The following STK39 variants were observed in gnomAD, a reference collection of about 807,000 sequenced individuals.
STK39 encodes STE20/SPS1-related proline-alanine-rich protein kinase.
A neutral mutation model predicts 77.8 loss-of-function variants in STK39; 20 were observed. That is an observed-to-expected ratio of 0.26 (90% confidence interval 0.18 to 0.37). STK39 has a LOEUF of 0.37. STK39 is among the 10% of genes least tolerant of loss of function. The pLI, the probability that STK39 is intolerant of heterozygous loss-of-function variation, is 1.00. For missense variants in STK39, 479 were observed against 656.5 expected (o/e 0.73, Z 2.95); for synonymous variants, 246 against 234.1 (o/e 1.05, Z -0.47).
At chr2:168,177,778 T>A (rs1016093604) in intron 2 of STK39, among the ~76,000 whole-genome samples, 1 of 152,120 alleles carries the variant, frequency 6.6e-6, no homozygotes, top group Non-Finnish European at 1.5e-5. Context: ...ACACAGAATA[T>A]ACTAGTTTGC....
chr2:168,116,561 G>A (rs755844), intron 10 of STK39, among the ~76,000 whole-genome samples: 34,508 of 151,976 alleles, frequency 0.23, 4,058 homozygotes, highest in East Asian at 0.28. Flanking sequence ...TCTTTGTTAA[G>A]TCAATCAAGT....
chr2:168,060,371 G>A (rs1215860130), intron 14 of STK39, among the ~76,000 whole-genome samples: 8 of 152,150 alleles, frequency 5.3e-5, no homozygotes, highest in Non-Finnish European at 4.4e-5. Context: ...AGCTCATGAG[G>A]GTGGGACCCA....
chr2:168,079,734 A>C (rs187333635), intron 10 of STK39, among the ~76,000 whole-genome samples: 1 of 152,340 alleles, frequency 6.6e-6, no homozygotes, highest in Admixed American at 6.5e-5. Flanking sequence ...TTTGAGAAAC[A>C]CTGTGCTAGA....
intron 1 of STK39, among the ~76,000 whole-genome samples, chr2:168,234,343 C>G (rs1307789098): frequency 6.6e-6 from 1 of 152,212 alleles, no homozygotes; most frequent in Non-Finnish European, 1.5e-5. Context: ...AACCGAAGGA[C>G]TGTACCCTAT....
At chr2:168,229,711 A>C (rs1690403501) in intron 1 of STK39, among the ~76,000 whole-genome samples, 1 of 152,326 alleles carries the variant, frequency 6.6e-6, no homozygotes, top group Non-Finnish European at 1.5e-5. Context: ...CTAGCTCATG[A>C]CTTGTAGGTG....
intron 1 of STK39, among the ~76,000 whole-genome samples, chr2:168,230,662 T>C (rs879725377): frequency 6.6e-6 from 1 of 152,198 alleles, no homozygotes; most frequent in Non-Finnish European, 1.5e-5. Context: ...TCAGAATCCA[T>C]GATGAGAGAA....
At chr2:168,209,553 G>A (rs530391260) in intron 1 of STK39, among the ~76,000 whole-genome samples, 21 of 152,122 alleles carry the variant, frequency 1.4e-4, no homozygotes, top group African/African-American at 4.3e-4. Flanking sequence ...GCACATGCCC[G>A]TAATCCCAGC....
chr2:168,118,396 G>A (rs1687312387), intron 10 of STK39, among the ~76,000 whole-genome samples: 1 of 151,930 alleles, frequency 6.6e-6, no homozygotes, highest in Non-Finnish European at 1.5e-5. Flanking sequence ...AATAATTTCA[G>A]AGTATGTGTC....
At chr2:168,159,867 A>G (rs1451042488) in intron 5 of STK39, among the ~76,000 whole-genome samples, 1 of 152,188 alleles carries the variant, frequency 6.6e-6, no homozygotes, top group Non-Finnish European at 1.5e-5. Flanking sequence ...CTACACATCA[A>G]TTCACTTAAT....
chr2:168,000,545 T>G (rs1360457385), intron 16 of STK39, among the ~76,000 whole-genome samples: 1 of 152,316 alleles, frequency 6.6e-6, no homozygotes, highest in Admixed American at 6.5e-5. Context: ...TATGTCACTC[T>G]CATCTTATTA....
intron 16 of STK39, among the ~76,000 whole-genome samples, chr2:168,005,598 G>A (rs773642991): frequency 2.0e-5 from 3 of 152,142 alleles, no homozygotes; most frequent in Non-Finnish European, 2.9e-5. Flanking sequence ...AACAATGGTA[G>A]GGATGCAATA....
chr2:168,239,585 G>A (rs1187705388), intron 1 of STK39, among the ~76,000 whole-genome samples: 1 of 152,240 alleles, frequency 6.6e-6, no homozygotes, highest in African/African-American at 2.4e-5. Context: ...CCACGGGCAA[G>A]ATCAAATCCT....
chr2:167,963,290 C>G (rs1455092770), intron 17 of STK39, among the ~76,000 whole-genome samples: 1 of 152,124 alleles, frequency 6.6e-6, no homozygotes, highest in African/African-American at 2.4e-5. Context: ...AGAGATTGTA[C>G]AGCGGCTGTT....
intron 1 of STK39, among the ~76,000 whole-genome samples, chr2:168,216,825 C>G (rs1015055553): frequency 6.6e-6 from 1 of 152,200 alleles, no homozygotes; most frequent in African/African-American, 2.4e-5. Flanking sequence ...TCTTGGTCAC[C>G]GGCTCTGTGC....
Position 168,247,350 on chromosome 2 carries a change from G to T in STK39, c.86C>A (p.Ala29Glu). ...CGGGGCCGGCGCTGCTGTCGCGGCC[G>T]CCGGGGCCGCCGCCGCCGCCGCTGT... Reference protein sequence around the residue: ...PVTAAAAAAPAAATAAPAPAA... With the variant: ...PVTAAAAAAPEAATAAPAPAA... The change falls in exon 1 of 18, where the codon GCG (alanine) becomes GAG (glutamate). Residue 29 changes from alanine (A) to glutamate (E), a missense_variant. Ala to Glu is a moderately radical substitution (Grantham distance 107, BLOSUM62 -1). Transcript: ENST00000355999. The T allele has an allele frequency of 9.5e-7, 1 of 1,051,556 alleles. No individual in the cohort carries two copies. The highest frequency in any genetic ancestry group is 1.1e-6 in the Non-Finnish European group (1 of 871,190). 65.1% of individuals were successfully genotyped at this position (1,051,556 alleles called of 1,614,324 possible). A position where few individuals can be genotyped will look rare whatever the true frequency, so the allele number is the denominator to read the frequency against.
intron 14 of STK39, among the ~76,000 whole-genome samples, chr2:168,049,121 CAG>C (rs1335945939): frequency 6.6e-6 from 1 of 152,172 alleles, no homozygotes; most frequent in Non-Finnish European, 1.5e-5. Context: ...CAAAGAAAAA[CAG>C]TGTGAAATAA....
In STK39 at chr2:168,129,590, A is replaced by G. The variant is rs1430623118; in HGVS notation, c.1040T>C (p.Ile347Thr). The change falls in exon 10 of 18, where the codon ATT becomes ACT. Residue 347 changes from isoleucine (I) to threonine (T), a missense_variant. Physicochemically the swap from Ile to Thr is moderately conservative, Grantham distance 89. This residue lies in a region of STK39 where 244 missense variants were observed against 296.8 expected (regional missense o/e 0.82). Coordinates refer to ENST00000355999, the MANE Select transcript of STK39 (RefSeq NM_013233.3). ...FQKAKNREYL[I>T]EKLLTRTPDI... ...TGGTGTTCTTGTAAGCAGCTTCTCA[A>G]TCAGGTACTCTCTGTTCTGCAAAAC... The G allele has an allele frequency of 6.2e-7, 1 of 1,614,046 alleles. No individual in the cohort carries two copies. The highest frequency in any genetic ancestry group is 1.1e-5 in the South Asian group (1 of 91,080).
chr2:168,121,524 T>C (rs1005482311), intron 10 of STK39, among the ~76,000 whole-genome samples: 1 of 152,120 alleles, frequency 6.6e-6, no homozygotes, highest in Non-Finnish European at 1.5e-5. Context: ...TGAAGACAGG[T>C]GAATAGGCAA....
chr2:168,146,346 T>C (rs1688139204), intron 5 of STK39, among the ~76,000 whole-genome samples: 1 of 152,234 alleles, frequency 6.6e-6, no homozygotes, highest in African/African-American at 2.4e-5. Flanking sequence ...CTACAGTATC[T>C]GCTATTCTCT....
Sources: allele counts gnomAD v4.1 joint callset (sites outside exome capture counted in the v4.1 genomes callset), GRCh38; gene constraint gnomAD v4.1.1; regional missense constraint gnomAD v4.1.1; transcripts MANE v1.5; gene names NCBI Gene and HGNC (gene_info 2026-07-23, HGNC 2026-07-21).